KCNH8: variants seen among roughly 807,000 people sequenced by gnomAD.
The protein encoded by KCNH8 is voltage-gated delayed rectifier potassium channel KCNH8.
A neutral mutation model predicts 103.6 loss-of-function variants in KCNH8; 70 were observed. The ratio of observed to expected loss-of-function variants is 0.68; its 90% confidence interval spans 0.56 to 0.82. The LOEUF (loss-of-function observed/expected upper bound fraction) is 0.82, where lower values mean the gene tolerates loss of function less well. Ranked by LOEUF, KCNH8 falls within the 40% of genes least tolerant of loss-of-function variation. The pLI, the probability that KCNH8 is intolerant of heterozygous loss-of-function variation, is 0.00. For missense variants in KCNH8, 1,217 were observed against 1,329.9 expected, an observed-to-expected ratio of 0.92 and a Z score of 1.32; for synonymous variants, 498 against 489.4, an observed-to-expected ratio of 1.02 and a Z score of -0.23.
chr3:19,387,251 CAA>C (rs2066369764), intron 5 of KCNH8, among the ~76,000 whole-genome samples: 1 of 152,090 alleles, frequency 6.6e-6, no homozygotes, highest in African/African-American at 2.4e-5. Flanking sequence ...CGAAGGACTA[CAA>C]TCAGAAATGC....
At chr3:19,427,070 T>C (rs563554234) in intron 7 of KCNH8, among the ~76,000 whole-genome samples, 72 of 152,190 alleles carry the variant, frequency 4.7e-4, no homozygotes, top group African/African-American at 1.7e-3. Context: ...ACATAAAAAT[T>C]AATGCAAAAG....
At chr3:19,172,125 T>C (rs2063354416) in intron 1 of KCNH8, among the ~76,000 whole-genome samples, 1 of 152,236 alleles carries the variant, frequency 6.6e-6, no homozygotes, top group Non-Finnish European at 1.5e-5. Context: ...TTTGACTACC[T>C]TCCTGGGTTG....
At position 19,296,420 on chromosome 3, in the gene KCNH8, T is replaced by C. The variant is rs868590664; in HGVS notation, c.442+15091T>C. Among the ~76,000 whole-genome samples, 29 of 152,216 alleles carry C rather than the reference T, an allele frequency of 1.9e-4. 1 individual carries two copies. The highest frequency in any genetic ancestry group is 1.6e-3 in the Admixed American group (24 of 15,280). On this transcript the variant is annotated intron_variant, in intron 3 of 15. Transcript: ENST00000328405. The stretch of plus-strand genomic sequence containing the variant: ...ACTAGAAAGCTGCTAAAATGACTGA[T>C]TGCATTGATGAAAACTTCAGAACTT...
chr3:19,371,812 T>C (rs2066100791), intron 5 of KCNH8, among the ~76,000 whole-genome samples: 1 of 151,418 alleles, frequency 6.6e-6, no homozygotes, highest in East Asian at 1.9e-4. Flanking sequence ...AGGGATCCAG[T>C]TTCAGCTTTC....
chr3:19,452,617 C>G (rs1226382783), intron 10 of KCNH8, among the ~76,000 whole-genome samples: 2 of 152,024 alleles, frequency 1.3e-5, no homozygotes, highest in African/African-American at 4.8e-5. Flanking sequence ...ATTTCAAACA[C>G]CAATATAAAA....
At chr3:19,402,363 A>T (rs558367817) in intron 7 of KCNH8, among the ~76,000 whole-genome samples, 1 of 151,906 alleles carries the variant, frequency 6.6e-6, no homozygotes, top group Non-Finnish European at 1.5e-5. Flanking sequence ...AGGACATCAC[A>T]TGTATCATCC....
At chr3:19,192,150 AT>A (rs1457899979) in intron 1 of KCNH8, among the ~76,000 whole-genome samples, 4 of 151,344 alleles carry the variant, frequency 2.6e-5, no homozygotes, top group African/African-American at 9.7e-5. Flanking sequence ...CCCTCTTATT[AT>A]TGTTTGGGGG....
At chr3:19,233,355 T>A (rs1360061860) in intron 1 of KCNH8, among the ~76,000 whole-genome samples, 1 of 152,158 alleles carries the variant, frequency 6.6e-6, no homozygotes, top group Non-Finnish European at 1.5e-5. Flanking sequence ...ATGTAGTGTT[T>A]TTATAGGTTA....
chr3:19,331,449 G>A (rs529977741), intron 3 of KCNH8, among the ~76,000 whole-genome samples: 5 of 151,880 alleles, frequency 3.3e-5, no homozygotes, highest in East Asian at 3.9e-4. Flanking sequence ...GTGTCACCAC[G>A]CCTGGCTAAT....
chr3:19,499,731 C>A (rs1408699460), intron 11 of KCNH8, among the ~76,000 whole-genome samples: 2 of 152,058 alleles, frequency 1.3e-5, no homozygotes, highest in Non-Finnish European at 2.9e-5. Flanking sequence ...TACAGACAAG[C>A]AAATGCTCAG....
At chr3:19,512,801 A>C (rs934237429) in intron 12 of KCNH8, among the ~76,000 whole-genome samples, 169 bp from the exon 13 acceptor site, 6 of 152,162 alleles carry the variant, frequency 3.9e-5, no homozygotes, top group Admixed American at 6.6e-5. Context: ...AAGTGGGAAG[A>C]CCTTTAACAC....
chr3:19,256,254 G>T (rs143718420), intron 2 of KCNH8, among the ~76,000 whole-genome samples: 1 of 152,230 alleles, frequency 6.6e-6, no homozygotes, highest in East Asian at 1.9e-4. Context: ...ATTCCCTGAT[G>T]ATGTGGATTT....
chr3:19,258,706 G>A (rs1346634049), intron 2 of KCNH8, among the ~76,000 whole-genome samples: 1 of 151,620 alleles, frequency 6.6e-6, no homozygotes, highest in Non-Finnish European at 1.5e-5. Context: ...AATCTTATTA[G>A]TGGCTCACAG....
At chr3:19,276,173 A>G (rs1057029095) in intron 2 of KCNH8, among the ~76,000 whole-genome samples, 2 of 107,122 alleles carry the variant, frequency 1.9e-5, no homozygotes, top group Admixed American at 1.0e-4. Context: ...CCCAATATGT[A>G]TATGTGTGTG....
intron 7 of KCNH8, among the ~76,000 whole-genome samples, chr3:19,426,018 G>A (rs2067023660): frequency 6.6e-6 from 1 of 152,194 alleles, no homozygotes; most frequent in African/African-American, 2.4e-5. Context: ...AAATGTGTCA[G>A]GGCTGTGACA....
chr3:19,520,425 G>T (rs761176830), intron 15 of KCNH8, among the ~76,000 whole-genome samples: 2 of 151,856 alleles, frequency 1.3e-5, no homozygotes, highest in South Asian at 2.1e-4. Flanking sequence ...ACACAGTTTT[G>T]ACCCTTTGGA....
intron 3 of KCNH8, among the ~76,000 whole-genome samples, chr3:19,288,743 C>T (rs554461209): frequency 6.6e-6 from 1 of 152,266 alleles, no homozygotes; most frequent in South Asian, 2.1e-4. Context: ...TGGTTATATA[C>T]CCAGTAATGG....
chr3:19,153,651 T>TG (rs1415250085), intron 1 of KCNH8, among the ~76,000 whole-genome samples: 1 of 150,230 alleles, frequency 6.7e-6, no homozygotes, highest in Non-Finnish European at 1.5e-5. Context: ...TTTTTTTTTT[T>TG]TAGACGAGTC....
At chr3:19,374,476 A>C (rs553005013) in intron 5 of KCNH8, among the ~76,000 whole-genome samples, 20 of 152,112 alleles carry the variant, frequency 1.3e-4, no homozygotes, top group African/African-American at 4.6e-4. Context: ...ATCTTCCTCC[A>C]TCATTTTATT....
Sources: allele counts gnomAD v4.1 joint callset (sites outside exome capture counted in the v4.1 genomes callset), GRCh38; gene constraint gnomAD v4.1.1; transcripts MANE v1.5; gene names NCBI Gene and HGNC (gene_info 2026-07-23, HGNC 2026-07-21).